Variants in PCGF5 observed in about 807,000 individuals in gnomAD.
The protein encoded by PCGF5 is polycomb group ring finger 5, also known as polycomb group RING finger protein 5.
Under a neutral mutation model 44.3 loss-of-function variants are expected in PCGF5, and 9 were observed. The observed-to-expected ratio is 0.20, with a 90% CI of 0.12 to 0.35. The LOEUF (loss-of-function observed/expected upper bound fraction) is 0.35. Among genes scored for constraint, PCGF5 ranks in the 10% least tolerant of loss-of-function variants. The pLI is 1.00. For synonymous variants in PCGF5, 95 were observed against 102.5 expected (o/e 0.93, Z 0.44); for missense variants, 146 against 305.3 (o/e 0.48, Z 3.89).
At chr10:91,197,207 C>T (rs1049895996) in intron 1 of PCGF5, among the ~76,000 whole-genome samples, 5 of 152,160 alleles carry the variant, frequency 3.3e-5, no homozygotes, top group Non-Finnish European at 7.3e-5. Flanking sequence ...AGCCTGTCTC[C>T]ATTCCGCTTG....
At chr10:91,173,577 G>GTTTTTTTTTTTTTTTTTT (rs1294760416) in intron 1 of PCGF5, among the ~76,000 whole-genome samples, 2 of 42,518 alleles carry the variant, frequency 4.7e-5, no homozygotes, top group African/African-American at 8.5e-5. Context: ...GAGGGAGTTG[G>GTTTTTTTTTTTTTTTTTT]CTTTTTTTTT....
At chr10:91,194,752 G>A (rs929733066) in intron 1 of PCGF5, among the ~76,000 whole-genome samples, 1 of 152,196 alleles carries the variant, frequency 6.6e-6, no homozygotes, top group Admixed American at 6.5e-5. Context: ...AGTAGAGATA[G>A]AGAAGAGAAG....
intron 6 of PCGF5, among the ~76,000 whole-genome samples, chr10:91,258,275 T>C (rs1055326864): frequency 2.6e-5 from 4 of 152,156 alleles, no homozygotes; most frequent in Non-Finnish European, 5.9e-5. Flanking sequence ...TGAAAGATTG[T>C]AAGTAGTGAT....
chr10:91,240,068 C>G (rs1242742142), intron 2 of PCGF5, among the ~76,000 whole-genome samples: 4 of 152,166 alleles, frequency 2.6e-5, no homozygotes, highest in African/African-American at 9.6e-5. Context: ...TGAAAACTCT[C>G]AAGTTGTATT....
the PCGF5 span, among the ~76,000 whole-genome samples, chr10:91,156,893 T>C: frequency 6.6e-6 from 1 of 152,204 alleles, no homozygotes; most frequent in African/African-American, 2.4e-5. Context: ...GTAATAATGA[T>C]AATAAATAAC....
chr10:91,228,097 G>T, intron 2 of PCGF5: 1 of 252,294 alleles, frequency 4.0e-6, no homozygotes, highest in Non-Finnish European at 6.3e-6. Flanking sequence ...TGGGGTCTTA[G>T]GGAGAGGGAG....
At chr10:91,256,674 A>T (rs1845759789) in intron 6 of PCGF5, among the ~76,000 whole-genome samples, 1 of 152,096 alleles carries the variant, frequency 6.6e-6, no homozygotes, top group South Asian at 2.1e-4. Context: ...ACAAAGAGAG[A>T]ATCTTGAAAG....
At chr10:91,167,899 TA>T (rs1430051613) in intron 1 of PCGF5, among the ~76,000 whole-genome samples, 1 of 152,034 alleles carries the variant, frequency 6.6e-6, no homozygotes, top group Non-Finnish European at 1.5e-5. Context: ...TAGAAGTGAA[TA>T]AAACAGAACT....
At chr10:91,269,926 A>G (rs1379072555) in intron 8 of PCGF5, among the ~76,000 whole-genome samples, 2 of 152,004 alleles carry the variant, frequency 1.3e-5, no homozygotes, top group African/African-American at 2.4e-5. Context: ...TTTTCTTCCA[A>G]TTGTGTCCTG....
chr10:91,199,626 A>G (rs1233740552), intron 1 of PCGF5, among the ~76,000 whole-genome samples: 3 of 152,220 alleles, frequency 2.0e-5, no homozygotes, highest in African/African-American at 4.8e-5. Context: ...CGGCTCCAAA[A>G]TATGATGCAG....
In PCGF5 at chr10:91,227,387, C is replaced by T. The variant is rs1304443399; in HGVS notation, c.112+4404C>T. On this transcript the variant is annotated intron_variant, in intron 2 of 9. Transcript: ENST00000336126. ...TTGGATGTCCTGAAGCCACCTGAAA[C>T]TCAGCATATCTACGAATGATCAAAT... is the stretch of plus-strand genomic sequence containing the variant. 4.7e-6 allele frequency: 6 copies of T among 1,286,456 alleles called. No individual in the cohort carries two copies. The South Asian group carries it at 6.2e-5, about 13-fold the overall frequency. 79.7% of individuals were successfully genotyped at this position (1,286,456 alleles called of 1,614,324 possible). A position where few individuals can be genotyped will look rare whatever the true frequency, so the allele number is the denominator to read the frequency against.
At position 91,249,909 on chromosome 10, in the gene PCGF5, CAGATA is replaced by C. The variant is rs547244701; in HGVS notation, c.325+1193_325+1197del. On this transcript the variant is annotated intron_variant, in intron 5 of 9. Transcript: ENST00000336126. ...TAGTAGTAGTGCTCTAGTAAAAATA[CAGATA>C]AGATAAGGCTAATTAAATATTCCAG... is the stretch of plus-strand genomic sequence containing the variant. Among the ~76,000 whole-genome samples the C allele has an allele frequency of 2.1e-3, 323 of 152,046 alleles. 1 individual carries two copies. Among genetic ancestry groups the C allele is most frequent in the African/African-American group, 7.4e-3 (309 of 41,522 alleles).
chr10:91,161,054 A>AG (rs1310564383), upstream of PCGF5, among the ~76,000 whole-genome samples: 1 of 152,222 alleles, frequency 6.6e-6, no homozygotes, highest in Admixed American at 6.5e-5. Flanking sequence ...GGGAGAAGCC[A>AG]GGGGGACTCT....
intron 1 of PCGF5, among the ~76,000 whole-genome samples, chr10:91,176,500 G>C (rs1293717516): frequency 6.6e-6 from 1 of 152,208 alleles, no homozygotes; most frequent in Admixed American, 6.5e-5. Flanking sequence ...ATATCCTGCA[G>C]AGTGTTTTCC....
chr10:91,206,089 A>C (rs1398548872), intron 1 of PCGF5, among the ~76,000 whole-genome samples: 1 of 152,224 alleles, frequency 6.6e-6, no homozygotes, highest in East Asian at 1.9e-4. Context: ...ACAGCCTAAC[A>C]ATAAATTGGC....
chr10:91,189,886 C>G (rs552259036), intron 1 of PCGF5, among the ~76,000 whole-genome samples: 1 of 152,196 alleles, frequency 6.6e-6, no homozygotes, highest in Non-Finnish European at 1.5e-5. Context: ...AGGTTTTCCT[C>G]AACCATGTGG....
chr10:91,238,480 G>A (rs1845228538), intron 2 of PCGF5, among the ~76,000 whole-genome samples: 1 of 151,724 alleles, frequency 6.6e-6, no homozygotes. Flanking sequence ...AAGCCTGGTA[G>A]ACAACCAAGG....
chr10:91,193,748 A>C (rs1844077316), intron 1 of PCGF5, among the ~76,000 whole-genome samples: 1 of 152,190 alleles, frequency 6.6e-6, no homozygotes, highest in African/African-American at 2.4e-5. Context: ...AAACTGGCTG[A>C]AGGCTGCTCA....
intron 1 of PCGF5, among the ~76,000 whole-genome samples, chr10:91,195,676 A>G (rs1411645983): frequency 2.0e-5 from 3 of 151,814 alleles, no homozygotes; most frequent in East Asian, 3.9e-4. Flanking sequence ...GGCTCAAGCA[A>G]TCCTCCTGCT....
Sources: gnomAD v4.1 joint callset for allele counts (sites outside exome capture counted in the v4.1 genomes callset) on GRCh38, gnomAD v4.1.1 for gene constraint, MANE v1.5 for transcripts, NCBI Gene and HGNC (gene_info 2026-07-23, HGNC 2026-07-21) for gene names.